UTRN: variants seen among roughly 807,000 people sequenced by gnomAD.
UTRN encodes the protein utrophin.
UTRN carries 283 observed loss-of-function variants against 463.9 expected under a neutral mutation model. That is an observed-to-expected ratio of 0.61 (90% CI 0.55 to 0.67). UTRN has a LOEUF of 0.67. Among genes scored for constraint, UTRN ranks in the 30% least tolerant of loss-of-function variants. UTRN has a pLI of 0.00. For synonymous variants in UTRN, 1,442 were observed against 1,431.5 expected, an observed-to-expected ratio of 1.01 and a Z score of -0.17; for missense variants, 3,922 against 4,084.3, an observed-to-expected ratio of 0.96 and a Z score of 1.08.
chr6:144,592,849 C>T (rs757155954), intron 51 of UTRN, among the ~76,000 whole-genome samples: 13 of 152,194 alleles, frequency 8.5e-5, no homozygotes, highest in South Asian at 2.1e-4. Flanking sequence ...AGAATATAAA[C>T]GGAAACCTAG....
chr6:144,539,925 C>T (rs115440604), intron 45 of UTRN, among the ~76,000 whole-genome samples: 5,806 of 151,696 alleles, frequency 0.038, 169 homozygotes, highest in Non-Finnish European at 0.064. Context: ...CGCCTGTAAT[C>T]GCAGCTACTT....
At chr6:144,659,030 C>A (rs1779598176) in intron 51 of UTRN, among the ~76,000 whole-genome samples, 1 of 152,166 alleles carries the variant, frequency 6.6e-6, no homozygotes, top group Admixed American at 6.5e-5. Context: ...TCAAAGAGAT[C>A]GAAACACTTT....
At chr6:144,344,691 C>T (rs1777422297) in intron 2 of UTRN, among the ~76,000 whole-genome samples, 1 of 152,162 alleles carries the variant, frequency 6.6e-6, no homozygotes, top group Admixed American at 6.5e-5. Flanking sequence ...TATTGGTAGA[C>T]CTCATCCCAT....
At chr6:144,850,594 A>T (rs1782407557) in intron 74 of UTRN, among the ~76,000 whole-genome samples, 1 of 152,106 alleles carries the variant, frequency 6.6e-6, no homozygotes, top group Non-Finnish European at 1.5e-5. Flanking sequence ...TCTGGACTCC[A>T]GCTTGGGATC....
intron 51 of UTRN, among the ~76,000 whole-genome samples, chr6:144,639,721 T>C (rs527920557): frequency 1.3e-5 from 2 of 152,286 alleles, no homozygotes; most frequent in East Asian, 1.9e-4. Flanking sequence ...ATTTTCAGTA[T>C]TTTTTTGAAT....
At chr6:144,547,146 T>C (rs1225194896) in intron 46 of UTRN, among the ~76,000 whole-genome samples, 1 of 152,256 alleles carries the variant, frequency 6.6e-6, no homozygotes, top group Admixed American at 6.5e-5. Context: ...TTTTAATTTG[T>C]ACTATCTCAG....
chr6:144,696,720 G>A (rs1784042889), intron 52 of UTRN, among the ~76,000 whole-genome samples: 2 of 152,090 alleles, frequency 1.3e-5, no homozygotes, highest in Admixed American at 1.3e-4. Context: ...TTGATTCTGG[G>A]TAGTCATTAC....
At chr6:144,354,471 T>A (rs1778380540) in intron 2 of UTRN, among the ~76,000 whole-genome samples, 1 of 152,220 alleles carries the variant, frequency 6.6e-6, no homozygotes, top group African/African-American at 2.4e-5. Flanking sequence ...TTTTCATATT[T>A]TGTTGGACCC....
chr6:144,824,774 G>GA (rs980335060), intron 66 of UTRN, among the ~76,000 whole-genome samples: 1 of 77,346 alleles, frequency 1.3e-5, no homozygotes, highest in African/African-American at 4.9e-5. Flanking sequence ...AGTTGGTGGT[G>GA]GGGGGGGGTG....
At chr6:144,813,582 C>G (rs1778819405) in intron 65 of UTRN, among the ~76,000 whole-genome samples, 1 of 152,112 alleles carries the variant, frequency 6.6e-6, no homozygotes, top group Non-Finnish European at 1.5e-5. Flanking sequence ...AATAACTAGA[C>G]AGCAAAACTA....
chr6:144,672,265 C>T (rs1399186420), intron 51 of UTRN, among the ~76,000 whole-genome samples: 3 of 150,902 alleles, frequency 2.0e-5, no homozygotes, highest in African/African-American at 4.9e-5. Flanking sequence ...TGATAGAATT[C>T]GGCTGTGAAT....
At chr6:144,630,160 C>T (rs536084867) in intron 51 of UTRN, among the ~76,000 whole-genome samples, 3 of 152,240 alleles carry the variant, frequency 2.0e-5, no homozygotes, top group South Asian at 4.1e-4. Context: ...TGCACTCCAG[C>T]CTGGGTGACA....
intron 56 of UTRN, 114 bp downstream of exon 56, chr6:144,752,066 A>G (rs1791459412): frequency 9.0e-7 from 1 of 1,110,472 alleles, no homozygotes; most frequent in Non-Finnish European, 1.2e-6. Flanking sequence ...GTATTTGATA[A>G]TGAATTTAGC....
intron 2 of UTRN, among the ~76,000 whole-genome samples, chr6:144,328,399 C>T (rs1435833163): frequency 6.6e-6 from 1 of 152,008 alleles, no homozygotes; most frequent in African/African-American, 2.4e-5. Context: ...CCAGAAGTTT[C>T]ATCAAATCAA....
chr6:144,412,075 A>T lies in UTRN; in HGVS notation c.141+8891A>T, dbSNP rs142648789. Among the ~76,000 whole-genome samples, 115 of 152,332 alleles carry T rather than the reference A, an allele frequency of 7.5e-4. 4 individuals are homozygous for T. The East Asian group carries it at 0.021, about 28-fold the overall frequency. ...CTTTTACCACAGAGTTGAATCATAAAAGTAAATACTACATATCATACAGTC... is the reference window on the plus strand; with the variant it reads ...CTTTTACCACAGAGTTGAATCATAATAGTAAATACTACATATCATACAGTC... On this transcript the variant is annotated intron_variant, in intron 3 of 74. Transcript: ENST00000367545.
At chr6:144,455,506 C>G (rs1487260000) in intron 19 of UTRN, among the ~76,000 whole-genome samples, 4 of 152,188 alleles carry the variant, frequency 2.6e-5, no homozygotes, top group Non-Finnish European at 5.9e-5. Flanking sequence ...CTGACTTTAT[C>G]TGATGTGAAT....
chr6:144,312,544 T>C (rs975674519), intron 2 of UTRN, among the ~76,000 whole-genome samples: 11 of 152,234 alleles, frequency 7.2e-5, no homozygotes, highest in Non-Finnish European at 1.6e-4. Flanking sequence ...AATAAGCATG[T>C]AAAAATAGTT....
At chr6:144,590,298 A>G (rs1314498273) in intron 51 of UTRN, among the ~76,000 whole-genome samples, 1 of 152,200 alleles carries the variant, frequency 6.6e-6, no homozygotes, top group African/African-American at 2.4e-5. Flanking sequence ...GATAAGAAAG[A>G]TGGATTGGGT....
At chr6:144,713,359 A>T (rs1167860415) in intron 53 of UTRN, among the ~76,000 whole-genome samples, 3 of 151,992 alleles carry the variant, frequency 2.0e-5, no homozygotes, top group Non-Finnish European at 4.4e-5. Context: ...TAATCTTAGC[A>T]CTTTGGGAGG....
Sources: allele counts gnomAD v4.1 joint callset (sites outside exome capture counted in the v4.1 genomes callset), GRCh38; gene constraint gnomAD v4.1.1; transcripts MANE v1.5; gene names NCBI Gene and HGNC (gene_info 2026-07-23, HGNC 2026-07-21).